Variants in CAMTA1 observed in about 807,000 individuals in gnomAD.
CAMTA1 encodes the protein calmodulin binding transcription activator 1.
A neutral mutation model predicts 170.9 loss-of-function variants in CAMTA1; 27 were observed. The ratio of observed to expected loss-of-function variants is 0.16; its 90% CI spans 0.12 to 0.22. CAMTA1 has a LOEUF of 0.22. CAMTA1 is among the 10% of genes least tolerant of loss of function. The pLI, the probability that CAMTA1 is intolerant of heterozygous loss-of-function variation, is 1.00. For synonymous variants in CAMTA1, 833 were observed against 891.5 expected, an observed-to-expected ratio of 0.93 and a Z score of 1.17; for missense variants, 1,619 against 2,217.2, an observed-to-expected ratio of 0.73 and a Z score of 5.42.
In CAMTA1 at chr1:7,585,849, C is replaced by T. The variant is rs2095305438; in HGVS notation, c.511-54551C>T. Among the ~76,000 whole-genome samples the T allele has an allele frequency of 6.6e-6, 1 of 151,906 alleles. No individual in the cohort carries two copies. On this transcript the variant is annotated intron_variant, in intron 6 of 22. Coordinates refer to ENST00000303635, the MANE Select transcript of CAMTA1 (RefSeq NM_015215.4). The surrounding 1 kb of genome is among the most constrained non-coding windows in gnomAD (Gnocchi z 4.8). The stretch of plus-strand genomic sequence containing the variant: ...GCCTTAGTAGACTCAGCCCCCACCT[C>T]CCCTGCCTCCCACCTCCCCTCTCGA...
At chr1:7,218,309 T>C (rs1389071101) in intron 4 of CAMTA1, among the ~76,000 whole-genome samples, 1 of 152,216 alleles carries the variant, frequency 6.6e-6, no homozygotes, top group African/African-American at 2.4e-5. Context: ...GTTGGGATTT[T>C]GGGGTAAGTG....
intron 6 of CAMTA1, among the ~76,000 whole-genome samples, chr1:7,551,974 T>C (rs2094808836): frequency 1.3e-5 from 2 of 152,228 alleles, no homozygotes; most frequent in Admixed American, 6.5e-5. Flanking sequence ...TTTAAAATCC[T>C]CTCATTTAAT....
In CAMTA1 at chr1:7,380,959, A is replaced by G. The variant is rs114724871; in HGVS notation, c.439-86871A>G. Among the ~76,000 whole-genome samples, 815 of 152,258 alleles carry G rather than the reference A, an allele frequency of 5.4e-3. 3 individuals carry two copies. The highest frequency in any genetic ancestry group is 0.018 in the African/African-American group (762 of 41,538). ...TCACTCTGAGCCAGACTCTGTGCCA[A>G]GGGTTTTATCATAATGCCCTAAGGT... On this transcript the variant is annotated intron_variant, in intron 5 of 22. Transcript: ENST00000303635.
At chr1:7,431,578 G>C (rs2092156132) in intron 5 of CAMTA1, among the ~76,000 whole-genome samples, 1 of 152,192 alleles carries the variant, frequency 6.6e-6, no homozygotes, top group Non-Finnish European at 1.5e-5. Context: ...ATTCCCAACT[G>C]CCCTCCCGAA....
intron 9 of CAMTA1, among the ~76,000 whole-genome samples, chr1:7,666,582 G>T (rs2096003682): frequency 6.6e-6 from 1 of 152,234 alleles, no homozygotes; most frequent in Non-Finnish European, 1.5e-5. Context: ...ACAAGCACGT[G>T]CATCCTGACC....
intron 19 of CAMTA1, 23 bp from the exon 20 acceptor site, chr1:7,751,176 G>T: frequency 2.6e-6 from 4 of 1,549,722 alleles, no homozygotes; most frequent in Non-Finnish European, 3.5e-6. Flanking sequence ...TTACTGTGTC[G>T]CTTGTTCTTG....
intron 11 of CAMTA1, among the ~76,000 whole-genome samples, chr1:7,708,010 C>T (rs1475735958): frequency 2.6e-5 from 4 of 152,162 alleles, no homozygotes; most frequent in Non-Finnish European, 5.9e-5. Flanking sequence ...TCATTAAAAC[C>T]ATGATATGAT....
rs1020158742 is a variant in CAMTA1, at chr1:6,934,151, G to A, written c.234+108941G>A. ...GACTGAGGGGCCAGCGCCCGTGGTC[G>A]GCAGAAGGGGAGGTTATTGGTATTT... On this transcript the variant is annotated intron_variant, in intron 3 of 22. Coordinates refer to ENST00000303635, the MANE Select transcript of CAMTA1 (RefSeq NM_015215.4). The surrounding 1 kb of genome is among the most constrained non-coding windows in gnomAD (Gnocchi z 4.5). Among the ~76,000 whole-genome samples, 7 of 152,170 alleles carry A rather than the reference G, an allele frequency of 4.6e-5. No individual in the cohort carries two copies. The highest frequency in any genetic ancestry group is 2.0e-4 in the Admixed American group (3 of 15,274).
chr1:7,424,394 C>T (rs906834096), intron 5 of CAMTA1, among the ~76,000 whole-genome samples: 2 of 149,010 alleles, frequency 1.3e-5, no homozygotes, highest in Admixed American at 1.4e-4. Context: ...TATTGCGTGT[C>T]ACAGTGAGGG....
chr1:7,348,418 G>C (rs560108321), intron 5 of CAMTA1, among the ~76,000 whole-genome samples: 16 of 152,308 alleles, frequency 1.1e-4, no homozygotes, highest in African/African-American at 3.8e-4. Flanking sequence ...GGCCAACCTT[G>C]GATTGATGGT....
chr1:7,469,642 C>T (rs1018059021), intron 6 of CAMTA1, among the ~76,000 whole-genome samples: 14 of 152,218 alleles, frequency 9.2e-5, no homozygotes, highest in African/African-American at 3.4e-4. Context: ...CTGCCAGCAG[C>T]CCAGCCACCC....
intron 3 of CAMTA1, among the ~76,000 whole-genome samples, chr1:7,032,098 TG>T (rs1702894066): frequency 6.6e-6 from 1 of 152,120 alleles, no homozygotes; most frequent in African/African-American, 2.4e-5. Flanking sequence ...CCTGAGTAGC[TG>T]GTATTACAGG....
chr1:7,217,232 C>T (rs1659905306), intron 4 of CAMTA1, among the ~76,000 whole-genome samples: 1 of 152,186 alleles, frequency 6.6e-6, no homozygotes, highest in African/African-American at 2.4e-5. Context: ...TTGCTCGGCA[C>T]TTCTCTCTCC....
At chr1:6,903,209 C>A (rs77254260) in intron 3 of CAMTA1, among the ~76,000 whole-genome samples, 14,897 of 152,140 alleles carry the variant, frequency 0.098, 926 homozygotes, top group East Asian at 0.25. Flanking sequence ...CGGATGAGAC[C>A]ACTCTATGGT....
chr1:7,298,475 C>T (rs1466472440), intron 5 of CAMTA1, among the ~76,000 whole-genome samples: 1 of 152,148 alleles, frequency 6.6e-6, no homozygotes, highest in Non-Finnish European at 1.5e-5. Context: ...ACCCTTAATA[C>T]TGCCTGACCT....
At chr1:7,335,124 T>TGTGTGTGTGTGTGTGTGTGTG (rs2083271528) in intron 5 of CAMTA1, among the ~76,000 whole-genome samples, 3 of 19,176 alleles carry the variant, frequency 1.6e-4, no homozygotes, top group Non-Finnish European at 2.0e-4. Flanking sequence ...AGCACAGCTT[T>TGTGTGTGTGTGTGTGTGTGTG]TGTGTGTGTG....
At chr1:6,932,768 A>T (rs1684626432) in intron 3 of CAMTA1, among the ~76,000 whole-genome samples, 2 of 152,176 alleles carry the variant, frequency 1.3e-5, no homozygotes. Context: ...CTTTACCTGC[A>T]TTTAGCCATA....
intron 3 of CAMTA1, among the ~76,000 whole-genome samples, chr1:6,991,652 A>C (rs557967469): frequency 1.3e-5 from 2 of 152,094 alleles, no homozygotes; most frequent in Non-Finnish European, 2.9e-5. Context: ...ATTTTCTCTT[A>C]GAATGTGGCC....
At chr1:7,675,112 G>A (rs573923259) in intron 10 of CAMTA1, among the ~76,000 whole-genome samples, 63 of 152,210 alleles carry the variant, frequency 4.1e-4, no homozygotes, top group Admixed American at 1.2e-3. Context: ...CTGGGACCTG[G>A]ATGATGGGAT....
Sources: allele counts gnomAD v4.1 joint callset (sites outside exome capture counted in the v4.1 genomes callset), GRCh38; gene constraint gnomAD v4.1.1; non-coding constraint Gnocchi (gnomAD v3.1); transcripts MANE v1.5; gene names NCBI Gene and HGNC (gene_info 2026-07-23, HGNC 2026-07-21).